The following ASB5 variants were observed in gnomAD, a reference collection of about 807,000 sequenced individuals.
ASB5 encodes ankyrin repeat and SOCS box protein 5.
A neutral mutation model predicts 42.1 loss-of-function variants in ASB5; 45 were observed. The ratio of observed to expected loss-of-function variants is 1.07; its 90% CI spans 0.84 to 1.37. The LOEUF (loss-of-function observed/expected upper bound fraction) is 1.37. Among genes scored for constraint, ASB5 ranks in the 40% most tolerant of loss-of-function variants. The pLI is 0.00. For missense variants in ASB5, 402 were observed against 399.8 expected, an observed-to-expected ratio of 1.01 and a Z score of -0.05; for synonymous variants, 147 against 150.6, an observed-to-expected ratio of 0.98 and a Z score of 0.18.
chr4:176,223,779 A>G (rs1564618), intron 2 of ASB5, among the ~76,000 whole-genome samples: 136,737 of 152,166 alleles, frequency 0.9, 61,668 homozygotes, highest in Non-Finnish European at 0.94. Flanking sequence ...TCCCTTTCAC[A>G]TCGGGCTCTG....
chr4:176,268,796 C>T, intron 1 of ASB5, 117 bp downstream of exon 1: 1 of 903,744 alleles, frequency 1.1e-6, no homozygotes, highest in Non-Finnish European at 1.6e-6. Context: ...AAGTATTTCC[C>T]TTAACAAAAG....
rs762518506 is a variant in ASB5 at position 176,222,432 on chromosome 4, A to G, written c.277-12T>C. The G allele has an allele frequency of 6.3e-7, 1 of 1,598,184 alleles. No individual in the cohort carries two copies. The highest frequency in any genetic ancestry group is 2.2e-5 in the East Asian group (1 of 44,778). Reference sequence around the variant, plus strand: ...TTTACATTATAACCCTAAATGTGGCATAATTTTGAAAGGTGAGCAAAGAGT... The same window carrying G: ...TTTACATTATAACCCTAAATGTGGCGTAATTTTGAAAGGTGAGCAAAGAGT... On this transcript the variant is annotated splice_polypyrimidine_tract_variant and intron_variant, in intron 2 of 6. Transcript: ENST00000296525.
chr4:176,259,637 G>A (rs1754219868), intron 1 of ASB5, among the ~76,000 whole-genome samples: 1 of 152,190 alleles, frequency 6.6e-6, no homozygotes, highest in African/African-American at 2.4e-5. Context: ...AAGGGACTTT[G>A]CGGCATTATG....
At chr4:176,241,668 A>G (rs1025343043) in intron 1 of ASB5, 1 of 1,352,942 alleles carries the variant, frequency 7.4e-7, no homozygotes. Flanking sequence ...TGGCCTAGTG[A>G]TAGTGAGTGA....
At chr4:176,252,809 G>C (rs987624838) in intron 1 of ASB5, among the ~76,000 whole-genome samples, 8 of 152,072 alleles carry the variant, frequency 5.3e-5, no homozygotes, top group African/African-American at 1.9e-4. Flanking sequence ...AGAAGACCAG[G>C]GCTCACATTT....
chr4:176,238,185 C>T (rs1054672962), intron 1 of ASB5, among the ~76,000 whole-genome samples: 8 of 127,546 alleles, frequency 6.3e-5, no homozygotes, highest in Admixed American at 2.0e-4. Flanking sequence ...CCAGCCTGGG[C>T]GACAGAAGGA....
chr4:176,243,588 C>T (rs1421622344), intron 1 of ASB5, among the ~76,000 whole-genome samples: 5 of 151,972 alleles, frequency 3.3e-5, no homozygotes, highest in Admixed American at 1.3e-4. Context: ...CCGCAACCTC[C>T]GTCTCCCAGG....
At chr4:176,264,854 T>C (rs1754326054) in intron 1 of ASB5, among the ~76,000 whole-genome samples, 1 of 152,180 alleles carries the variant, frequency 6.6e-6, no homozygotes, top group Non-Finnish European at 1.5e-5. Context: ...TTGAATGCTA[T>C]TTACAGGCAT....
chr4:176,222,451 A>G (rs754536728), intron 2 of ASB5, 31 bp from the exon 3 acceptor site: 3 of 1,541,086 alleles, frequency 1.9e-6, no homozygotes, highest in East Asian at 2.2e-5. Context: ...AAAGGTGAGC[A>G]AAGAGTTATA....
intron 1 of ASB5, among the ~76,000 whole-genome samples, chr4:176,268,183 C>A (rs1360339876): frequency 6.6e-6 from 1 of 152,078 alleles, no homozygotes; most frequent in African/African-American, 2.4e-5. Flanking sequence ...CCAATAGAAC[C>A]TAAATGGTTT....
At position 176,269,101 on chromosome 4, in the gene ASB5, A is replaced by G. The variant is rs1400832235; in HGVS notation, c.8T>C (p.Val3Ala). The stretch of plus-strand genomic sequence containing the variant: ...AGCAAACGGCCGATTTTCTTCTAAC[A>G]CCGACATTGCTGCAGAAGAATCTGC... MS[V>A]LEENRPFAQQ... The change falls in exon 1 of 7, where the codon GTG becomes GCG. Residue 3 changes from valine (V) to alanine (A), a missense_variant. Coordinates refer to ENST00000296525, the MANE Select transcript of ASB5 (RefSeq NM_080874.4). 4.3e-6 allele frequency: 7 copies of G among 1,609,526 alleles called. No homozygotes were observed. The East Asian group carries it at 1.3e-4, about 31-fold the overall frequency.
At chr4:176,267,092 G>A (rs916184861) in intron 1 of ASB5, among the ~76,000 whole-genome samples, 6 of 152,170 alleles carry the variant, frequency 3.9e-5, no homozygotes, top group African/African-American at 1.4e-4. Flanking sequence ...ATGTGTTAAT[G>A]TAGAGAAATT....
At chr4:176,259,459 G>T (rs753445165) in intron 1 of ASB5, among the ~76,000 whole-genome samples, 25 of 152,152 alleles carry the variant, frequency 1.6e-4, no homozygotes, top group Non-Finnish European at 1.5e-5. Flanking sequence ...AGATGTATTT[G>T]GTTGCTACTG....
At chr4:176,239,202 G>C (rs1366397287) in intron 1 of ASB5, among the ~76,000 whole-genome samples, 1 of 152,068 alleles carries the variant, frequency 6.6e-6, no homozygotes, top group Non-Finnish European at 1.5e-5. Context: ...ATTCACCACT[G>C]GCTCTTTGTC....
chr4:176,239,151 G>A (rs927330145), intron 1 of ASB5, among the ~76,000 whole-genome samples: 3 of 152,144 alleles, frequency 2.0e-5, no homozygotes, highest in Non-Finnish European at 4.4e-5. Context: ...AAAGACTGAA[G>A]GGGCCTATTC....
At chr4:176,229,651 C>A (rs1330105505) in intron 1 of ASB5, among the ~76,000 whole-genome samples, 1 of 142,776 alleles carries the variant, frequency 7.0e-6, no homozygotes, top group Non-Finnish European at 1.5e-5. Flanking sequence ...ATCATCCAAA[C>A]TTAAGTCCAT....
chr4:176,235,733 T>C (rs1753668458), intron 1 of ASB5, among the ~76,000 whole-genome samples: 1 of 152,080 alleles, frequency 6.6e-6, no homozygotes, highest in South Asian at 2.1e-4. Flanking sequence ...ATTTACATTC[T>C]CATTAACAGC....
intron 5 of ASB5, among the ~76,000 whole-genome samples, chr4:176,220,556 T>C (rs1413582030): frequency 6.6e-6 from 1 of 152,150 alleles, no homozygotes; most frequent in Non-Finnish European, 1.5e-5. Flanking sequence ...CTATGGTAAG[T>C]GGGACCACTA....
chr4:176,216,745 A>G, intron 6 of ASB5, 73 bp downstream of exon 6: 1 of 1,292,006 alleles, frequency 7.7e-7, no homozygotes, highest in Non-Finnish European at 1.1e-6. Context: ...ATGCCAACAA[A>G]AACTCTCTCA....
Sources: allele counts gnomAD v4.1 joint callset (sites outside exome capture counted in the v4.1 genomes callset), GRCh38; gene constraint gnomAD v4.1.1; transcripts MANE v1.5; gene names NCBI Gene and HGNC (gene_info 2026-07-23, HGNC 2026-07-21).